FEZ2: variants seen among roughly 807,000 people sequenced by gnomAD.
FEZ2 encodes the protein fasciculation and elongation protein zeta 2.
Under a neutral mutation model 40.4 loss-of-function variants are expected in FEZ2, and 51 were observed. That is an observed-to-expected ratio of 1.26 (90% CI 1.01 to 1.59). The LOEUF is 1.59. Among genes scored for constraint, FEZ2 ranks in the 40% most tolerant of loss-of-function variants. The pLI, the probability that FEZ2 is intolerant of heterozygous loss-of-function variation, is 0.00. For synonymous variants in FEZ2, 242 were observed against 172.0 expected (o/e 1.41, Z -3.18); for missense variants, 640 against 438.3 (o/e 1.46, Z -4.11).
intron 2 of FEZ2, among the ~76,000 whole-genome samples, chr2:36,588,555 G>C (rs1188638595): frequency 1.3e-5 from 2 of 152,076 alleles, no homozygotes; most frequent in African/African-American, 4.8e-5. Context: ...AGATGCTCAA[G>C]TCCCTTATAT....
At chr2:36,589,136 C>G (rs1376318555) in intron 2 of FEZ2, among the ~76,000 whole-genome samples, 2 of 152,164 alleles carry the variant, frequency 1.3e-5, no homozygotes, top group African/African-American at 4.8e-5. Context: ...GTGCCAGGAA[C>G]AGTATAGTTA....
Position 36,592,191 on chromosome 2 carries a change from TG to T in FEZ2, c.267-1181del, listed in dbSNP as rs752947545. On this transcript the variant is annotated intron_variant, in intron 1 of 7. Coordinates refer to ENST00000405912, the MANE Select transcript of FEZ2 (RefSeq NM_005102.3). ...AAAATGTTTATTAGGTATCTAATTGTGAATAAGCAATAGGCTTTCTTTCCAA... is the reference window on the plus strand; with the variant it reads ...AAAATGTTTATTAGGTATCTAATTGTAATAAGCAATAGGCTTTCTTTCCAA... 9.8e-5 allele frequency among the ~76,000 whole-genome samples: 15 copies of T among 152,318 alleles called. No homozygotes were observed. In the East Asian group the frequency reaches 1.7e-3, roughly 18 times the overall value.
intron 6 of FEZ2, chr2:36,556,051 AGCCTTC>A (rs1230119096): frequency 1.9e-6 from 1 of 533,864 alleles, no homozygotes; most frequent in South Asian, 1.5e-5. Flanking sequence ...ATTTACAAGG[AGCCTTC>A]GCTCTGTAAT....
intron 1 of FEZ2, among the ~76,000 whole-genome samples, chr2:36,593,945 C>T (rs772388029): frequency 6.6e-5 from 10 of 151,892 alleles, no homozygotes; most frequent in African/African-American, 9.7e-5. Flanking sequence ...CCCAAGTTAC[C>T]TCCTGAATGC....
intron 5 of FEZ2, among the ~76,000 whole-genome samples, chr2:36,568,297 G>T (rs1178697526): frequency 6.6e-6 from 1 of 151,944 alleles, no homozygotes; most frequent in Admixed American, 6.6e-5. Context: ...TAAGTCTCAG[G>T]GTTATGAATG....
intron 3 of FEZ2, chr2:36,581,675 C>T (rs1030428804): frequency 2.4e-6 from 1 of 415,642 alleles, no homozygotes; most frequent in Admixed American, 4.0e-5. Context: ...CTACGTCCAT[C>T]ATGATTCAGA....
Position 36,553,096 on chromosome 2 carries a change from T to C in FEZ2, c.*67A>G. On this transcript the variant is annotated 3_prime_UTR_variant, in exon 8 of 8. Coordinates refer to ENST00000405912, the MANE Select transcript of FEZ2 (RefSeq NM_005102.3). ...TTTCCAATAGCAAGAAGGGTAATGG[T>C]AGCCAGCTCTCAGAATAATGCTGTC... is the stretch of plus-strand genomic sequence containing the variant. 1.5e-6 allele frequency: 2 copies of C among 1,377,070 alleles called. No individual in the cohort carries two copies. The highest frequency in any genetic ancestry group is 2.0e-6 in the Non-Finnish European group (2 of 989,804). The allele number at this position is 1,377,070 out of a possible 1,614,324, so 85.3% of individuals were successfully genotyped here.
At chr2:36,566,033 G>A (rs971007726) in intron 5 of FEZ2, among the ~76,000 whole-genome samples, 1 of 152,158 alleles carries the variant, frequency 6.6e-6, no homozygotes, top group Non-Finnish European at 1.5e-5. Flanking sequence ...GCACATTCCT[G>A]GAAAACTGAA....
At chr2:36,558,550 G>A (rs909661855) in intron 5 of FEZ2, 37 bp from the exon 6 acceptor site, 42 of 1,291,280 alleles carry the variant, frequency 3.3e-5, no homozygotes, top group Middle Eastern at 3.8e-4. Flanking sequence ...CACTTAAATC[G>A]GAATTACCTT....
chr2:36,578,777 C>T lies in FEZ2; in HGVS notation c.723G>A (p.Gln241=). Residue 241 remains glutamine, a synonymous_variant, in exon 5 of 8, where the codon CAG becomes CAA. Coordinates refer to ENST00000405912, the MANE Select transcript of FEZ2 (RefSeq NM_005102.3). ...AIKEYSEELV[Q]QLALRDELEF... ...CCAGTTCATCTCGTAAAGCCAACTG[C>T]TGCACCAGCTCCTCAGAGTACTCCT... 1.2e-6 allele frequency: 2 copies of T among 1,613,956 alleles called. No homozygotes were observed. Among genetic ancestry groups the T allele is most frequent in the South Asian group, 1.1e-5 (1 of 91,088 alleles).
In FEZ2 at chr2:36,590,941, T is replaced by C. The variant is rs1261187789; in HGVS notation, c.337A>G (p.Thr113Ala). The change falls in exon 2 of 8, where the codon ACC becomes GCC. Residue 113 changes from threonine (T) to alanine (A), a missense_variant. Physicochemically the swap from Thr to Ala is moderately conservative, Grantham distance 58. Transcript: ENST00000405912. ...PVDWKSSHTR[T>A]LHLLTLNLSE... ...AGGTTCAGAGTAAGCAAGTGCAAGG[T>C]CCTAGTATGCGATGACTTCCAGTCT... 1.2e-6 allele frequency: 2 copies of C among 1,612,538 alleles called. No individual in the cohort carries two copies. Among genetic ancestry groups the C allele is most frequent in the East Asian group, 2.2e-5 (1 of 44,882 alleles).
At chr2:36,587,239 T>C (rs1166130655) in intron 2 of FEZ2, among the ~76,000 whole-genome samples, 1 of 152,232 alleles carries the variant, frequency 6.6e-6, no homozygotes, top group Non-Finnish European at 1.5e-5. Flanking sequence ...CCAGATCATC[T>C]TTCCAGAGAG....
intron 4 of FEZ2, chr2:36,579,123 T>C: frequency 2.4e-6 from 1 of 420,324 alleles, no homozygotes; most frequent in Non-Finnish European, 4.2e-6. Context: ...ACAAAAGTTT[T>C]TACTTGTGCA....
intron 2 of FEZ2, chr2:36,589,592 G>A (rs1199069296): frequency 6.6e-6 from 1 of 152,188 alleles, no homozygotes; most frequent in Non-Finnish European, 1.5e-5. Context: ...TGATAGCCAG[G>A]ACCTAAGTAA....
At position 36,553,560 on chromosome 2, in the gene FEZ2, C is replaced by T. The variant is rs572683912; in HGVS notation, c.1046-381G>A. 1.2e-3 allele frequency among the ~76,000 whole-genome samples: 189 copies of T among 152,262 alleles called. 1 individual carries two copies. Among genetic ancestry groups the T allele is most frequent in the Non-Finnish European group, 2.0e-3 (139 of 68,020 alleles). On this transcript the variant is annotated intron_variant, in intron 7 of 7. Transcript: ENST00000405912. ...CTAACTAGCAGCACGGCAGCAGCCA[C>T]GCGTACATTACTTCAGAATCAGCCT...
rs553428768 is a variant in FEZ2, at chr2:36,587,391, A to G, written c.375+3512T>C. Reference sequence around the variant, plus strand: ...TAAATGTGCCTTCTCTTTGCCAAGCATTCCCATCACTCCTTCCAATGCCAG... The same window carrying G: ...TAAATGTGCCTTCTCTTTGCCAAGCGTTCCCATCACTCCTTCCAATGCCAG... On this transcript the variant is annotated intron_variant, in intron 2 of 7. Transcript: ENST00000405912. Among the ~76,000 whole-genome samples the G allele has an allele frequency of 1.2e-4, 18 of 152,296 alleles. 1 individual carries two copies. In the South Asian group the frequency reaches 2.9e-3, roughly 25 times the overall value.
At chr2:36,579,056 T>C (rs901509713) in intron 4 of FEZ2, 191 bp from the exon 5 acceptor site, 1 of 548,130 alleles carries the variant, frequency 1.8e-6, no homozygotes, top group African/African-American at 1.9e-5. Context: ...AGATCAGATC[T>C]GAGTAGAGGT....
chr2:36,583,009 T>C (rs373490570), intron 3 of FEZ2, among the ~76,000 whole-genome samples: 95 of 152,350 alleles, frequency 6.2e-4, no homozygotes, highest in African/African-American at 2.2e-3. Flanking sequence ...AAATAATTTC[T>C]ACACAGATAC....
At chr2:36,569,439 A>T (rs1341760662) in intron 5 of FEZ2, among the ~76,000 whole-genome samples, 11 of 152,348 alleles carry the variant, frequency 7.2e-5, no homozygotes, top group African/African-American at 2.4e-4. Context: ...ATAAAGAGAC[A>T]TTACTATCTA....
Sources: gnomAD v4.1 joint callset for allele counts (sites outside exome capture counted in the v4.1 genomes callset) on GRCh38, gnomAD v4.1.1 for gene constraint, MANE v1.5 for transcripts, NCBI Gene and HGNC (gene_info 2026-07-23, HGNC 2026-07-21) for gene names.